The following RAPGEF5 variants were observed in gnomAD, a reference collection of about 807,000 sequenced individuals.
RAPGEF5 encodes the protein M-Ras-regulated GEF.
RAPGEF5 carries 65 observed loss-of-function variants against 125.2 expected under a neutral mutation model. The observed-to-expected ratio is 0.52, with a 90% CI of 0.43 to 0.64. The LOEUF (loss-of-function observed/expected upper bound fraction) is 0.64, where lower values mean the gene tolerates loss of function less well. Ranked by LOEUF, RAPGEF5 falls within the 30% of genes least tolerant of loss-of-function variation. The pLI, the probability that RAPGEF5 is intolerant of heterozygous loss-of-function variation, is 0.00. For synonymous variants in RAPGEF5, 391 were observed against 385.9 expected (o/e 1.01, Z -0.16); for missense variants, 958 against 1,048.1 (o/e 0.91, Z 1.19).
chr7:22,154,569 C>T lies in RAPGEF5; in HGVS notation c.1672G>A (p.Val558Ile). ...CHVYITEHSY[V>I]SVKAKVSSIA... ...CTGGAAACTTTTGCCTTCACACTGACATAGGAGTGCTCTGTTATATACACG... is the reference window on the plus strand; with the variant it reads ...CTGGAAACTTTTGCCTTCACACTGATATAGGAGTGCTCTGTTATATACACG... The change falls in exon 17 of 26, where the codon GTC (valine) becomes ATC (isoleucine). Residue 558 changes from valine (V) to isoleucine (I), a missense_variant. Val to Ile is a conservative substitution (Grantham distance 29, BLOSUM62 3). Transcript: ENST00000665637. 1 of 1,613,834 alleles carries T rather than the reference C, an allele frequency of 6.2e-7. No homozygotes were observed. Among genetic ancestry groups the T allele is most frequent in the Non-Finnish European group, 8.5e-7 (1 of 1,179,786 alleles).
intron 5 of RAPGEF5, among the ~76,000 whole-genome samples, chr7:22,293,005 CA>C (rs1782969191): frequency 6.6e-6 from 1 of 152,184 alleles, no homozygotes; most frequent in African/African-American, 2.4e-5. Context: ...TGTTTGGAAG[CA>C]AAACTGTCTT....
In RAPGEF5 at chr7:22,150,462, G is replaced by A. The variant is rs922859328; in HGVS notation, c.1829C>T (p.Ser610Phe). 11 of 1,597,972 alleles carry A rather than the reference G, an allele frequency of 6.9e-6. No homozygotes were observed. The highest frequency in any genetic ancestry group is 8.5e-6 in the Non-Finnish European group (10 of 1,172,520). Residue 610 changes from serine to phenylalanine, a missense_variant, in exon 18 of 26, where the codon TCC (serine) becomes TTC (phenylalanine). Transcript: ENST00000665637. ...LQPNDLVISKSLEASGRIYVY... is the reference protein window; with the variant it reads ...LQPNDLVISKFLEASGRIYVY... ...ATATATTCGACCAGATGCCTCGAGG[G>A]ATTTGGAGATGACTAAGTCATTTGG... is the stretch of plus-strand genomic sequence containing the variant.
At chr7:22,140,541 C>G (rs1783224451) in intron 20 of RAPGEF5, among the ~76,000 whole-genome samples, 1 of 152,116 alleles carries the variant, frequency 6.6e-6, no homozygotes, top group Admixed American at 6.6e-5. Flanking sequence ...GGTCTAAGCT[C>G]CCCCTCCCAT....
intron 1 of RAPGEF5, among the ~76,000 whole-genome samples, chr7:22,318,975 G>C (rs1562526981): frequency 6.6e-6 from 1 of 152,120 alleles, no homozygotes; most frequent in Non-Finnish European, 1.5e-5. Context: ...GCACAAAGAT[G>C]TTTATTTTTT....
chr7:22,322,514 T>C (rs1204539219), intron 1 of RAPGEF5, among the ~76,000 whole-genome samples: 3 of 152,196 alleles, frequency 2.0e-5, no homozygotes, highest in African/African-American at 7.2e-5. Context: ...GTATTATAAT[T>C]AATCCTATTT....
chr7:22,339,011 C>A (rs1232651125), intron 1 of RAPGEF5, among the ~76,000 whole-genome samples: 2 of 152,184 alleles, frequency 1.3e-5, no homozygotes, highest in Non-Finnish European at 2.9e-5. Context: ...CAGATAAGAT[C>A]TCAGGAGGTG....
At chr7:22,204,066 T>G (rs1785343195) in intron 9 of RAPGEF5, among the ~76,000 whole-genome samples, 1 of 151,938 alleles carries the variant, frequency 6.6e-6, no homozygotes, top group African/African-American at 2.4e-5. Flanking sequence ...TCCCGTGGGG[T>G]TTGAATAATC....
At chr7:22,317,152 G>T (rs934955436) in intron 2 of RAPGEF5, among the ~76,000 whole-genome samples, 1 of 152,026 alleles carries the variant, frequency 6.6e-6, no homozygotes, top group African/African-American at 2.4e-5. Context: ...TCCTGATGGT[G>T]GGGATACAGC....
intron 1 of RAPGEF5, among the ~76,000 whole-genome samples, chr7:22,338,214 T>A (rs2128386222): frequency 6.6e-6 from 1 of 152,328 alleles, no homozygotes. Context: ...ACCCAAATTA[T>A]TAGTTTACCT....
intron 11 of RAPGEF5, among the ~76,000 whole-genome samples, chr7:22,171,486 C>T (rs768845265): frequency 6.6e-6 from 1 of 152,118 alleles, no homozygotes; most frequent in Non-Finnish European, 1.5e-5. Context: ...ATACACAAAA[C>T]CTTTTTCTTT....
rs756779272 is a variant in RAPGEF5, at chr7:22,125,587, T to C, written c.2536+17A>G. The C allele has an allele frequency of 1.2e-6, 2 of 1,601,958 alleles. No individual in the cohort carries two copies. Among genetic ancestry groups the C allele is most frequent in the Admixed American group, 3.3e-5 (2 of 59,992 alleles). On this transcript the variant is annotated intron_variant, in intron 25 of 25. Coordinates refer to ENST00000665637, the MANE Select transcript of RAPGEF5 (RefSeq NM_012294.5). ...GTAGAGTCAATTTACATTCCGCACC[T>C]GACTTCAATTACTCACCAAACTGGT...
At position 22,356,956 on chromosome 7, in the gene RAPGEF5, G is replaced by A; in HGVS notation, c.105C>T (p.Ser35=). ...VVAADGPLRR[S]PSAREPEREQ... is the part of the protein sequence containing the mutation. ...CGCGCTCGGGCTCCCGGGCGCTGGG[G>A]CTGCGGCGCAGGGGGCCGTCTGCCG... The change falls in exon 1 of 26, where the codon AGC becomes AGT. Residue 35 remains serine, a synonymous_variant. Coordinates refer to ENST00000665637, the MANE Select transcript of RAPGEF5 (RefSeq NM_012294.5). 1 of 1,041,672 alleles carries A rather than the reference G, an allele frequency of 9.6e-7. No homozygotes were observed. The allele number at this position is 1,041,672 out of a possible 1,614,324, so 64.5% of individuals were successfully genotyped here. A position where few individuals can be genotyped will look rare whatever the true frequency, so the allele number is the denominator to read the frequency against.
At chr7:22,256,496 G>T (rs772700284) in intron 7 of RAPGEF5, among the ~76,000 whole-genome samples, 2 of 152,250 alleles carry the variant, frequency 1.3e-5, no homozygotes, top group East Asian at 1.9e-4. Context: ...AGCCGAGGTC[G>T]CAAAGACACG....
intron 7 of RAPGEF5, among the ~76,000 whole-genome samples, chr7:22,251,837 A>G (rs1239766720): frequency 6.7e-6 from 1 of 149,072 alleles, no homozygotes; most frequent in Non-Finnish European, 1.5e-5. Flanking sequence ...TTATGCTTTG[A>G]AATTTAAATT....
intron 11 of RAPGEF5, among the ~76,000 whole-genome samples, chr7:22,188,684 T>C (rs1784895637): frequency 6.7e-6 from 1 of 150,298 alleles, no homozygotes; most frequent in Non-Finnish European, 1.5e-5. Flanking sequence ...GAGAATCGCT[T>C]GAACTTGGGA....
chr7:22,159,908 A>C (rs939718750), intron 14 of RAPGEF5, among the ~76,000 whole-genome samples: 2 of 152,172 alleles, frequency 1.3e-5, no homozygotes, highest in Non-Finnish European at 2.9e-5. Flanking sequence ...TGGGAGTTCA[A>C]GACCAGCCTG....
rs77034069 is a variant in RAPGEF5 at position 22,308,246 on chromosome 7, G to C, written c.680+93C>G. On this transcript the variant is annotated intron_variant, in intron 5 of 25. Transcript: ENST00000665637. Reference sequence around the variant, plus strand: ...GGGATAGTAACTCCCTCTTAAGTGAGACAGTGATCTTAAAGAGCAGAATAT... The same window carrying C: ...GGGATAGTAACTCCCTCTTAAGTGACACAGTGATCTTAAAGAGCAGAATAT... 2,792 of 1,241,424 alleles carry C rather than the reference G, an allele frequency of 2.2e-3. 44 individuals are homozygous for C. In the African/African-American group the frequency reaches 0.036, roughly 16 times the overall value. 76.9% of individuals were successfully genotyped at this position (1,241,424 alleles called of 1,614,324 possible). A position where few individuals can be genotyped will look rare whatever the true frequency, so the allele number is the denominator to read the frequency against.
chr7:22,324,462 G>A (rs1234204572), intron 1 of RAPGEF5, among the ~76,000 whole-genome samples: 1 of 152,186 alleles, frequency 6.6e-6, no homozygotes, highest in African/African-American at 2.4e-5. Flanking sequence ...TAATCGTGTG[G>A]ATAAGTGCTG....
chr7:22,194,587 T>C (rs1785102368), intron 9 of RAPGEF5: 1 of 978,168 alleles, frequency 1.0e-6, no homozygotes, highest in Admixed American at 6.2e-5. Flanking sequence ...TTCAATTCAA[T>C]TTTTTTTTCA....
Sources: allele counts gnomAD v4.1 joint callset (sites outside exome capture counted in the v4.1 genomes callset), GRCh38; gene constraint gnomAD v4.1.1; transcripts MANE v1.5; gene names NCBI Gene and HGNC (gene_info 2026-07-23, HGNC 2026-07-21).